Variants in L3MBTL4 observed in about 807,000 individuals in gnomAD.
L3MBTL4 encodes the protein lethal(3)malignant brain tumor-like protein 4.
Under a neutral mutation model 84.5 loss-of-function variants are expected in L3MBTL4, and 70 were observed. The observed-to-expected ratio is 0.83, with a 90% CI of 0.68 to 1.01. The LOEUF is 1.01. L3MBTL4 is among the 50% of genes least tolerant of loss of function. L3MBTL4 has a pLI of 0.00. For synonymous variants in L3MBTL4, 274 were observed against 259.8 expected (o/e 1.05, Z -0.52); for missense variants, 715 against 754.8 (o/e 0.95, Z 0.62).
chr18:6,218,344 A>T (rs2046410150), intron 10 of L3MBTL4, among the ~76,000 whole-genome samples: 1 of 152,072 alleles, frequency 6.6e-6, no homozygotes, highest in African/African-American at 2.4e-5. Context: ...CACATTTTGG[A>T]TCTCCACATT....
At chr18:6,139,539 A>G (rs531914268) in intron 13 of L3MBTL4, among the ~76,000 whole-genome samples, 2 of 151,766 alleles carry the variant, frequency 1.3e-5, no homozygotes, top group African/African-American at 2.4e-5. Flanking sequence ...ACACACGCAC[A>G]CTCACACATA....
At chr18:5,957,882 C>T (rs1021978373) in intron 18 of L3MBTL4, among the ~76,000 whole-genome samples, 3 of 150,448 alleles carry the variant, frequency 2.0e-5, no homozygotes, top group African/African-American at 7.3e-5. Flanking sequence ...ATTGCTTGAA[C>T]TTGGGAGGCA....
At chr18:6,115,649 A>T (rs1445987727) in intron 14 of L3MBTL4, among the ~76,000 whole-genome samples, 1 of 152,234 alleles carries the variant, frequency 6.6e-6, no homozygotes, top group Non-Finnish European at 1.5e-5. Context: ...GCACATTTAA[A>T]TGTGTCTGAA....
At chr18:6,362,910 A>C (rs540349186) in intron 1 of L3MBTL4, among the ~76,000 whole-genome samples, 2 of 152,364 alleles carry the variant, frequency 1.3e-5, no homozygotes, top group East Asian at 3.9e-4. Flanking sequence ...GTGTGGGCGC[A>C]TGCGCACTGC....
chr18:6,023,529 A>T (rs1330415071), intron 16 of L3MBTL4, among the ~76,000 whole-genome samples: 1 of 152,216 alleles, frequency 6.6e-6, no homozygotes, highest in Non-Finnish European at 1.5e-5. Context: ...ATAAATCAGG[A>T]TCAAATAATT....
chr18:6,145,076 T>C (rs186477085), intron 13 of L3MBTL4, among the ~76,000 whole-genome samples: 2 of 152,350 alleles, frequency 1.3e-5, no homozygotes, highest in East Asian at 3.9e-4. Flanking sequence ...GATTTTTCTT[T>C]TGTGAAATCA....
At chr18:6,021,721 C>T (rs181822172) in intron 16 of L3MBTL4, among the ~76,000 whole-genome samples, 6 of 152,146 alleles carry the variant, frequency 3.9e-5, no homozygotes, top group Non-Finnish European at 8.8e-5. Flanking sequence ...AGAATCGAAG[C>T]CATTGCATGG....
chr18:6,211,892 G>A (rs374504622), intron 12 of L3MBTL4, among the ~76,000 whole-genome samples: 3 of 152,084 alleles, frequency 2.0e-5, no homozygotes, highest in Non-Finnish European at 2.9e-5. Context: ...CAGGTGATAC[G>A]CCCGCCTCAG....
chr18:6,325,858 A>C (rs888615281), intron 1 of L3MBTL4, among the ~76,000 whole-genome samples: 1 of 152,222 alleles, frequency 6.6e-6, no homozygotes, highest in African/African-American at 2.4e-5. Flanking sequence ...ATACAGGTAA[A>C]ATAGTGGACA....
intron 11 of L3MBTL4, 87 bp from the exon 12 acceptor site, chr18:6,213,346 T>C (rs1301900740): frequency 1.5e-6 from 1 of 669,606 alleles, no homozygotes. Context: ...ACTACTGTTT[T>C]AGTTTTAATA....
intron 4 of L3MBTL4, among the ~76,000 whole-genome samples, chr18:6,294,654 CCCAAATGTCT>C (rs1486314595): frequency 3.3e-5 from 5 of 152,134 alleles, no homozygotes; most frequent in Non-Finnish European, 4.4e-5. Flanking sequence ...TTGAAGGCTT[CCCAAATGTCT>C]CCACTAGAAC....
intron 16 of L3MBTL4, among the ~76,000 whole-genome samples, chr18:5,985,817 C>T (rs2053439087): frequency 6.6e-6 from 1 of 152,046 alleles, no homozygotes; most frequent in African/African-American, 2.4e-5. Flanking sequence ...GGACAAAAAA[C>T]AGAGATCACA....
intron 14 of L3MBTL4, among the ~76,000 whole-genome samples, chr18:6,124,422 A>G (rs935959955): frequency 6.9e-6 from 1 of 145,402 alleles, no homozygotes; most frequent in Non-Finnish European, 1.5e-5. Context: ...AATTATATAT[A>G]CAGTTATATT....
intron 1 of L3MBTL4, among the ~76,000 whole-genome samples, chr18:6,403,551 A>G (rs1422442093): frequency 1.3e-5 from 2 of 152,218 alleles, no homozygotes; most frequent in South Asian, 2.1e-4. Context: ...TTTGAAGTAC[A>G]TATCATTTTA....
intron 12 of L3MBTL4, among the ~76,000 whole-genome samples, chr18:6,208,124 T>G (rs952538288): frequency 2.2e-5 from 3 of 138,608 alleles, no homozygotes; most frequent in African/African-American, 9.3e-5. Context: ...AAAAAATAAA[T>G]AAATAAATAA....
intron 1 of L3MBTL4, among the ~76,000 whole-genome samples, chr18:6,341,220 A>C (rs575202166): frequency 3.9e-5 from 6 of 152,168 alleles, no homozygotes; most frequent in African/African-American, 1.2e-4. Flanking sequence ...GAAAACAAAG[A>C]ATCAAAAAAA....
chr18:6,072,760 G>A (rs1196764529), intron 16 of L3MBTL4, among the ~76,000 whole-genome samples: 1 of 147,636 alleles, frequency 6.8e-6, no homozygotes, highest in African/African-American at 2.5e-5. Context: ...GGAGGCTGAA[G>A]CAGGAGTATG....
At chr18:6,005,847 T>C (rs1201190888) in intron 16 of L3MBTL4, among the ~76,000 whole-genome samples, 1 of 152,218 alleles carries the variant, frequency 6.6e-6, no homozygotes, top group Non-Finnish European at 1.5e-5. Context: ...CCTTTGGGTA[T>C]GTACCTGAAA....
chr18:6,338,739 T>C (rs1442369216), intron 1 of L3MBTL4, among the ~76,000 whole-genome samples: 1 of 152,068 alleles, frequency 6.6e-6, no homozygotes, highest in African/African-American at 2.4e-5. Flanking sequence ...TAAACTTGTT[T>C]ACCTACAGGA....
Sources: allele counts gnomAD v4.1 joint callset (sites outside exome capture counted in the v4.1 genomes callset), GRCh38; gene constraint gnomAD v4.1.1; transcripts MANE v1.5; gene names NCBI Gene and HGNC (gene_info 2026-07-23, HGNC 2026-07-21).